UHRF2: variants seen among roughly 807,000 people sequenced by gnomAD.
UHRF2 encodes E3 ubiquitin-protein ligase UHRF2.
In UHRF2, 23 loss-of-function variants were observed where a neutral mutation model predicts 96.8. The observed-to-expected ratio is 0.24, with a 90% CI of 0.17 to 0.34. The LOEUF (loss-of-function observed/expected upper bound fraction) is 0.34. Ranked by LOEUF, UHRF2 falls within the 10% of genes least tolerant of loss-of-function variation. The pLI, the probability that UHRF2 is intolerant of heterozygous loss-of-function variation, is 1.00. For synonymous variants in UHRF2, 385 were observed against 332.6 expected, an observed-to-expected ratio of 1.16 and a Z score of -1.72; for missense variants, 685 against 981.5, an observed-to-expected ratio of 0.70 and a Z score of 4.04.
chr9:6,493,711 T>G, intron 9 of UHRF2, 115 bp from the exon 10 acceptor site: 1 of 891,888 alleles, frequency 1.1e-6, no homozygotes, highest in Non-Finnish European at 1.7e-6. Flanking sequence ...GGGAGATGCC[T>G]CAAGAGAAAA....
At chr9:6,493,183 A>G (rs1285217811) in intron 9 of UHRF2, among the ~76,000 whole-genome samples, 1 of 152,126 alleles carries the variant, frequency 6.6e-6, no homozygotes, top group East Asian at 1.9e-4. Flanking sequence ...CTGTAATCCC[A>G]GCTGCTTGGG....
rs1442026668 is a variant in UHRF2 at position 6,460,542 on chromosome 9, T to C, written c.645-31T>C. ...ATAAAACTTTAGTTGTCTTTGGTAA[T>C]CATAAGCCATATGGTTTTCTCTCTC... is the stretch of plus-strand genomic sequence containing the variant. On this transcript the variant is annotated intron_variant, in intron 3 of 15. Transcript: ENST00000276893. 4 of 1,550,254 alleles carry C rather than the reference T, an allele frequency of 2.6e-6. No individual in the cohort carries two copies. The South Asian group carries it at 4.7e-5, about 18-fold the overall frequency.
intron 1 of UHRF2, 29 bp downstream of exon 1, chr9:6,413,672 A>G: frequency 6.5e-7 from 1 of 1,540,182 alleles, no homozygotes. Context: ...GCCCCTAGCG[A>G]GGCTGGGGGC....
At chr9:6,502,826 T>A (rs781121818) in intron 14 of UHRF2, among the ~76,000 whole-genome samples, 2 of 152,200 alleles carry the variant, frequency 1.3e-5, no homozygotes, top group African/African-American at 2.4e-5. Context: ...GTACCTGTTA[T>A]AAAGTTTCCA....
At position 6,461,565 on chromosome 9, in the gene UHRF2, G is replaced by T. The variant is rs900481842; in HGVS notation, c.863+774G>T. On this transcript the variant is annotated intron_variant, in intron 4 of 15. Transcript: ENST00000276893. ...CTTTTATATTTTTAGTAGAGATGGG[G>T]TTTCACCATGTTGGCCAGGCTGGTC... Among the ~76,000 whole-genome samples, 5 of 151,460 alleles carry T rather than the reference G, an allele frequency of 3.3e-5. No individual in the cohort carries two copies. The East Asian group carries it at 9.7e-4, about 29-fold the overall frequency.
intron 3 of UHRF2, among the ~76,000 whole-genome samples, chr9:6,437,450 C>G (rs1370430352): frequency 1.3e-5 from 2 of 152,082 alleles, no homozygotes; most frequent in African/African-American, 2.4e-5. Flanking sequence ...TCAGGCTGGT[C>G]TTGAACTCTG....
In UHRF2 at chr9:6,420,949, G is replaced by C; in HGVS notation, c.191G>C (p.Gly64Ala). Reference protein sequence around the residue: ...NGYTLFDYDVGLNDIIQLLVR... With the variant: ...NGYTLFDYDVALNDIIQLLVR... ...TATACCTTATTTGATTATGATGTTG[G>C]ACTGAATGATATAATTCAGCTGCTA... Residue 64 changes from glycine to alanine, a missense_variant, in exon 2 of 16, where the codon GGA (glycine) becomes GCA (alanine). By Grantham distance (60) the Gly-to-Ala change is moderately conservative. This residue lies in a region of UHRF2 where 391 missense variants were observed against 437.0 expected (regional missense o/e 0.89). Coordinates refer to ENST00000276893, the MANE Select transcript of UHRF2 (RefSeq NM_152896.3). 1 of 1,613,936 alleles carries C rather than the reference G, an allele frequency of 6.2e-7. No homozygotes were observed. Among genetic ancestry groups the C allele is most frequent in the South Asian group, 1.1e-5 (1 of 91,068 alleles).
intron 10 of UHRF2, chr9:6,494,238 A>T: frequency 7.4e-6 from 2 of 271,576 alleles, no homozygotes; most frequent in Non-Finnish European, 6.9e-6. Context: ...TGGCTTGTCT[A>T]CTACTCCATT....
chr9:6,477,600 G>C, intron 5 of UHRF2, 22 bp from the exon 6 acceptor site: 1 of 1,572,546 alleles, frequency 6.4e-7, no homozygotes, highest in Non-Finnish European at 8.6e-7. Context: ...GACTAGACTT[G>C]CTATAATTTT....
intron 9 of UHRF2, among the ~76,000 whole-genome samples, chr9:6,487,664 G>A (rs985859629): frequency 6.6e-6 from 1 of 152,138 alleles, no homozygotes; most frequent in Admixed American, 6.5e-5. Flanking sequence ...ACCACACCTG[G>A]TCAATTTTTG....
chr9:6,422,092 T>A (rs540799558), intron 2 of UHRF2, among the ~76,000 whole-genome samples: 1 of 152,338 alleles, frequency 6.6e-6, no homozygotes, highest in Admixed American at 6.5e-5. Context: ...TTCAAGAATT[T>A]CTACCTAGGA....
At chr9:6,430,661 A>G (rs1820514690) in intron 2 of UHRF2, among the ~76,000 whole-genome samples, 1 of 152,098 alleles carries the variant, frequency 6.6e-6, no homozygotes, top group African/African-American at 2.4e-5. Flanking sequence ...ACCCACAGCC[A>G]GGTACCAAAC....
intron 2 of UHRF2, among the ~76,000 whole-genome samples, chr9:6,433,669 C>T (rs964963145): frequency 6.6e-6 from 1 of 152,018 alleles, no homozygotes; most frequent in African/African-American, 2.4e-5. Context: ...GTCAGTAAGG[C>T]GTAAAGAAAA....
intron 3 of UHRF2, among the ~76,000 whole-genome samples, chr9:6,434,916 C>T (rs1034583722): frequency 3.0e-4 from 46 of 151,630 alleles, no homozygotes; most frequent in East Asian, 5.9e-4. Flanking sequence ...CTGCAATCTC[C>T]GCCTCCTGGG....
rs529410414 is a variant in UHRF2, at chr9:6,425,068, A to G, written c.384+3926A>G. On this transcript the variant is annotated intron_variant, in intron 2 of 15. Coordinates refer to ENST00000276893, the MANE Select transcript of UHRF2 (RefSeq NM_152896.3). ...GTTTCTCCACTATTAAACTACTCCC[A>G]CACCTCCTTCCTGTCTTTCCATACT... 6.9e-4 allele frequency among the ~76,000 whole-genome samples: 105 copies of G among 152,340 alleles called. 1 individual carries two copies. Among genetic ancestry groups the G allele is most frequent in the African/African-American group, 2.4e-3 (101 of 41,574 alleles).
intron 8 of UHRF2, among the ~76,000 whole-genome samples, chr9:6,483,753 G>T (rs1184440642): frequency 6.6e-6 from 1 of 151,374 alleles, no homozygotes; most frequent in African/African-American, 2.4e-5. Flanking sequence ...GCAATGGCAC[G>T]ATCTTGGCTC....
At chr9:6,460,980 A>G (rs542487263) in intron 4 of UHRF2, among the ~76,000 whole-genome samples, 189 bp downstream of exon 4, 2 of 152,364 alleles carry the variant, frequency 1.3e-5, no homozygotes, top group South Asian at 2.1e-4. Context: ...TAGATCTTCA[A>G]CTTTAAGGTT....
chr9:6,461,660 C>T (rs1320382317), intron 4 of UHRF2, among the ~76,000 whole-genome samples: 1 of 152,078 alleles, frequency 6.6e-6, no homozygotes, highest in African/African-American at 2.4e-5. Context: ...GTATGAGCCA[C>T]TGCGCCCAGC....
intron 1 of UHRF2, among the ~76,000 whole-genome samples, chr9:6,418,973 A>G (rs983361977): frequency 1.3e-5 from 2 of 152,136 alleles, no homozygotes; most frequent in Non-Finnish European, 2.9e-5. Context: ...CTCCAGTCAC[A>G]TGGCTGCCTT....
Sources: gnomAD v4.1 joint callset for allele counts (sites outside exome capture counted in the v4.1 genomes callset) on GRCh38, gnomAD v4.1.1 for gene constraint, gnomAD v4.1.1 regional missense constraint, MANE v1.5 for transcripts, NCBI Gene and HGNC (gene_info 2026-07-23, HGNC 2026-07-21) for gene names.